The following DOCK8 variants were observed in gnomAD, a reference collection of about 807,000 sequenced individuals.
DOCK8 encodes the protein dedicator of cytokinesis 8.
DOCK8 carries 141 observed loss-of-function variants against 245.6 expected under a neutral mutation model. The ratio of observed to expected loss-of-function variants is 0.57; its 90% CI spans 0.50 to 0.66. The LOEUF (loss-of-function observed/expected upper bound fraction) is 0.66. DOCK8 is among the 30% of genes least tolerant of loss of function. DOCK8 has a pLI of 0.00. For missense variants in DOCK8, 2,965 were observed against 2,603.4 expected (o/e 1.14, Z -3.02); for synonymous variants, 1,168 against 970.2 (o/e 1.20, Z -3.79).
chr9:242,691 A>G (rs2047402966), intron 1 of DOCK8, among the ~76,000 whole-genome samples: 1 of 152,226 alleles, frequency 6.6e-6, no homozygotes, highest in African/African-American at 2.4e-5. Flanking sequence ...GCTGAGACCA[A>G]ACCCATGTTT....
chr9:325,543 C>A (rs1334241001), intron 7 of DOCK8, 128 bp from the exon 8 acceptor site: 2 of 797,432 alleles, frequency 2.5e-6, no homozygotes, highest in East Asian at 5.0e-5. Context: ...TTCTCATATA[C>A]TTGGAGTTTT....
At chr9:313,572 A>T (rs1218156589) in intron 6 of DOCK8, among the ~76,000 whole-genome samples, 1 of 152,238 alleles carries the variant, frequency 6.6e-6, no homozygotes, top group African/African-American at 2.4e-5. Context: ...TGGATCTCAT[A>T]GAAACAGAGT....
chr9:304,475 T>C, intron 4 of DOCK8, 106 bp from the exon 5 acceptor site: 2 of 1,466,676 alleles, frequency 1.4e-6, no homozygotes, highest in Non-Finnish European at 9.4e-7. Flanking sequence ...TTGAAAGCTC[T>C]CTCAGCACCA....
chr9:244,589 C>T (rs1206406815), intron 1 of DOCK8, among the ~76,000 whole-genome samples: 1 of 152,128 alleles, frequency 6.6e-6, no homozygotes, highest in Non-Finnish European at 1.5e-5. Flanking sequence ...ATATGTTTTG[C>T]TCACCTTTGA....
intron 46 of DOCK8, chr9:456,329 C>T (rs1013413250): frequency 6.6e-6 from 1 of 152,182 alleles, no homozygotes. Context: ...ATTTTCTCCT[C>T]CACTCTGCTA....
chr9:290,631 A>G (rs1020243810), intron 4 of DOCK8, among the ~76,000 whole-genome samples: 1 of 152,206 alleles, frequency 6.6e-6, no homozygotes, highest in African/African-American at 2.4e-5. Flanking sequence ...CATGAGAAAC[A>G]TCTATGCACA....
chr9:442,479 C>T (rs921921049), intron 42 of DOCK8, among the ~76,000 whole-genome samples: 1 of 152,186 alleles, frequency 6.6e-6, no homozygotes, highest in Non-Finnish European at 1.5e-5. Context: ...CACCTGGGGT[C>T]CTTCTGATGT....
intron 1 of DOCK8, among the ~76,000 whole-genome samples, chr9:268,955 A>AC (rs1481549699): frequency 6.6e-5 from 10 of 152,340 alleles, no homozygotes; most frequent in Non-Finnish European, 1.3e-4. Flanking sequence ...TCTATCAAGC[A>AC]CTTGGAGACA....
At chr9:235,181 G>A (rs1274219348) in intron 1 of DOCK8, among the ~76,000 whole-genome samples, 1 of 152,226 alleles carries the variant, frequency 6.6e-6, no homozygotes, top group Non-Finnish European at 1.5e-5. Flanking sequence ...CTGTTTGCCT[G>A]GGTATCAGCA....
At chr9:409,905 A>G (rs1459024270) in intron 28 of DOCK8, among the ~76,000 whole-genome samples, 1 of 152,124 alleles carries the variant, frequency 6.6e-6, no homozygotes, top group East Asian at 1.9e-4. Flanking sequence ...ATAGTATTCC[A>G]TGGTGTATAT....
At chr9:403,890 C>CTATA (rs1204461968) in intron 26 of DOCK8, among the ~76,000 whole-genome samples, 38 of 80,180 alleles carry the variant, frequency 4.7e-4, no homozygotes, top group Admixed American at 5.9e-4. Context: ...CTCTCTCTCT[C>CTATA]TCTATATATA....
Position 399,262 on chromosome 9 carries a change from G to T in DOCK8, c.3234+3G>T. On this transcript the variant is annotated splice_donor_region_variant and intron_variant, in intron 26 of 47. Transcript: ENST00000432829. Reference sequence around the variant, plus strand: ...TCATCAGACATTATTGCAGCCAGGTGAGTGTCCCCCCCACCCCCACCCCCG... The same window carrying T: ...TCATCAGACATTATTGCAGCCAGGTTAGTGTCCCCCCCACCCCCACCCCCG... 2 of 1,603,840 alleles carry T rather than the reference G, an allele frequency of 1.2e-6. No homozygotes were observed. The highest frequency in any genetic ancestry group is 1.1e-5 in the South Asian group (1 of 90,278).
intron 1 of DOCK8, among the ~76,000 whole-genome samples, chr9:239,969 G>GA (rs1400601492): frequency 1.3e-5 from 2 of 152,098 alleles, no homozygotes; most frequent in Non-Finnish European, 2.9e-5. Context: ...ATTCACATTA[G>GA]AAACAGTACA....
intron 26 of DOCK8, among the ~76,000 whole-genome samples, chr9:400,970 T>TCCACCACCA (rs1564016946): frequency 2.5e-4 from 22 of 89,426 alleles, no homozygotes; most frequent in South Asian, 4.5e-4. Context: ...CACCACCTCC[T>TCCACCACCA]CCACCATCAC....
intron 14 of DOCK8, among the ~76,000 whole-genome samples, chr9:347,052 G>A (rs1382230038): frequency 1.3e-5 from 2 of 152,164 alleles, no homozygotes; most frequent in African/African-American, 4.8e-5. Context: ...ATCAGAGTAA[G>A]TGTCCAGCCC....
At chr9:221,720 G>C (rs1258132988) in intron 1 of DOCK8, among the ~76,000 whole-genome samples, 5 of 151,794 alleles carry the variant, frequency 3.3e-5, no homozygotes, top group African/African-American at 1.2e-4. Flanking sequence ...TACTCAGGAG[G>C]TTGAGGCAGG....
intron 25 of DOCK8, among the ~76,000 whole-genome samples, chr9:398,316 T>C (rs1249434970): frequency 6.6e-6 from 1 of 152,184 alleles, no homozygotes; most frequent in African/African-American, 2.4e-5. Flanking sequence ...GGTAGCAACC[T>C]CTTTATCAGG....
chr9:364,036 A>G (rs12001065), intron 14 of DOCK8, among the ~76,000 whole-genome samples: 4,089 of 152,308 alleles, frequency 0.027, 174 homozygotes, highest in African/African-American at 0.092. Context: ...CCTTTTAATT[A>G]ATTCAAAGAT....
chr9:347,324 C>T (rs1217281359), intron 14 of DOCK8, among the ~76,000 whole-genome samples: 10 of 151,848 alleles, frequency 6.6e-5, no homozygotes, highest in Middle Eastern at 3.2e-3. Context: ...GGCAACATAG[C>T]AAGACCCTGT....
Sources: gnomAD v4.1 joint callset for allele counts (sites outside exome capture counted in the v4.1 genomes callset) on GRCh38, gnomAD v4.1.1 for gene constraint, MANE v1.5 for transcripts, NCBI Gene and HGNC (gene_info 2026-07-23, HGNC 2026-07-21) for gene names.